Variants in CMYA5 observed in about 807,000 individuals in gnomAD.
CMYA5 encodes the protein cardiomyopathy-associated protein 5.
CMYA5 carries 246 observed loss-of-function variants against 318.9 expected under a neutral mutation model. The ratio of observed to expected loss-of-function variants is 0.77; its 90% CI spans 0.70 to 0.86. The LOEUF (loss-of-function observed/expected upper bound fraction) is 0.86. Ranked by LOEUF, CMYA5 falls within the 40% of genes least tolerant of loss-of-function variation. CMYA5 has a pLI of 0.00. For missense variants in CMYA5, 4,589 were observed against 4,678.2 expected (o/e 0.98, Z 0.56); for synonymous variants, 1,641 against 1,729.5 (o/e 0.95, Z 1.27).
intron 5 of CMYA5, 85 bp downstream of exon 5, chr5:79,747,198 G>A (rs1828346838): frequency 7.5e-7 from 1 of 1,324,832 alleles, no homozygotes; most frequent in Non-Finnish European, 1.0e-6. Context: ...TGGAAAATGA[G>A]CTGCCAATTA....
intron 5 of CMYA5, among the ~76,000 whole-genome samples, chr5:79,749,912 T>C (rs1490295717): frequency 1.3e-5 from 2 of 152,228 alleles, no homozygotes; most frequent in East Asian, 3.8e-4. Context: ...GAATCTCTGC[T>C]TAAAAACTGT....
intron 1 of CMYA5, among the ~76,000 whole-genome samples, chr5:79,695,091 C>CA (rs1188060676): frequency 6.6e-6 from 1 of 151,814 alleles, no homozygotes; most frequent in Non-Finnish European, 1.5e-5. Context: ...ATTTTACACA[C>CA]AAAAAAGTCC....
At position 79,730,954 on chromosome 5, in the gene CMYA5, T is replaced by G; in HGVS notation, c.2189T>G (p.Met730Arg). The G allele has an allele frequency of 6.2e-7, 1 of 1,614,006 alleles. No homozygotes were observed. The stretch of plus-strand genomic sequence containing the variant: ...ATATTGAAAGGTGTTTCTGAGTACA[T>G]GATTCCATCAGAAGAGAAGGAAGAC... Reference protein sequence around the residue: ...PLILKGVSEYMIPSEEKEDTG... With the variant: ...PLILKGVSEYRIPSEEKEDTG... Residue 730 changes from methionine (M) to arginine (R), a missense_variant, in exon 2 of 13, where the codon ATG (methionine) becomes AGG (arginine). Coordinates refer to ENST00000446378, the MANE Select transcript of CMYA5 (RefSeq NM_153610.5).
At chr5:79,795,928 A>G (rs1373456793) in intron 12 of CMYA5, among the ~76,000 whole-genome samples, 7 of 152,248 alleles carry the variant, frequency 4.6e-5, no homozygotes, top group Non-Finnish European at 5.9e-5. Flanking sequence ...CCAGCCAGGC[A>G]GAGAGTCAGG....
In CMYA5 at chr5:79,791,061, G is replaced by C; in HGVS notation, c.11781G>C (p.Arg3927=). ...GTVISFGERR[R]LTEIPSVLGE... is the part of the protein sequence containing the mutation. ...TGATCAGCTTTGGTGAGAGGAGACG[G>C]CTGACGGAGTAAGTAGAAGAAGAAA... is the stretch of plus-strand genomic sequence containing the variant. Residue 3927 remains arginine (R), a synonymous_variant, in exon 11 of 13, where the codon CGG becomes CGC. Coordinates refer to ENST00000446378, the MANE Select transcript of CMYA5 (RefSeq NM_153610.5). 2 of 1,611,350 alleles carry C rather than the reference G, an allele frequency of 1.2e-6. No individual in the cohort carries two copies. Among genetic ancestry groups the C allele is most frequent in the Non-Finnish European group, 1.7e-6 (2 of 1,177,794 alleles).
At chr5:79,761,446 G>A (rs1828649833) in intron 7 of CMYA5, among the ~76,000 whole-genome samples, 1 of 152,100 alleles carries the variant, frequency 6.6e-6, no homozygotes, top group Non-Finnish European at 1.5e-5. Context: ...TATTGGCACT[G>A]GTTCTTAAGA....
chr5:79,758,398 G>A (rs1042694257), intron 6 of CMYA5, among the ~76,000 whole-genome samples: 2 of 151,534 alleles, frequency 1.3e-5, no homozygotes, highest in Admixed American at 6.6e-5. Context: ...CAGGTGTGGT[G>A]GCAGGCGCCT....
At chr5:79,699,630 C>T (rs1561626280) in intron 1 of CMYA5, among the ~76,000 whole-genome samples, 1 of 152,182 alleles carries the variant, frequency 6.6e-6, no homozygotes, top group Non-Finnish European at 1.5e-5. Flanking sequence ...AGTTGTGCCT[C>T]AGTCTATCCT....
chr5:79,752,706 T>G lies in CMYA5; in HGVS notation c.11022T>G (p.Ser3674=), dbSNP rs1160130122. ...TTTCTGCAATGGAGAGCACTGCTTCTTTAGAGAAAATGCCTGCTGCGTTTT... is the reference window on the plus strand; with the variant it reads ...TTTCTGCAATGGAGAGCACTGCTTCGTTAGAGAAAATGCCTGCTGCGTTTT... ...RLLSAMESTA[S]LEKMPAAFSL... is the part of the protein sequence containing the mutation. The change falls in exon 6 of 13, where the codon TCT becomes TCG. Residue 3674 remains serine (S), a synonymous_variant. Coordinates refer to ENST00000446378, the MANE Select transcript of CMYA5 (RefSeq NM_153610.5). The G allele has an allele frequency of 1.2e-6, 2 of 1,613,622 alleles. No homozygotes were observed. The highest frequency in any genetic ancestry group is 1.7e-6 in the Non-Finnish European group (2 of 1,179,610).
intron 10 of CMYA5, 55 bp downstream of exon 10, chr5:79,789,159 C>G: frequency 5.0e-6 from 8 of 1,602,194 alleles, no homozygotes; most frequent in Non-Finnish European, 6.8e-6. Context: ...TTCCCTTCCA[C>G]CCCTCAGAGA....
intron 9 of CMYA5, among the ~76,000 whole-genome samples, chr5:79,775,194 C>A (rs1280343127): frequency 2.0e-5 from 3 of 152,190 alleles, no homozygotes; most frequent in Non-Finnish European, 4.4e-5. Context: ...CCCATCGCAT[C>A]CCCCAGTGTC....
chr5:79,716,186 A>G (rs1410327250), intron 1 of CMYA5, among the ~76,000 whole-genome samples: 1 of 152,250 alleles, frequency 6.6e-6, no homozygotes, highest in Non-Finnish European at 1.5e-5. Context: ...GACTAGTAGA[A>G]TTACTCTCTT....
intron 9 of CMYA5, among the ~76,000 whole-genome samples, chr5:79,777,558 G>T (rs1409118603): frequency 6.6e-6 from 1 of 151,466 alleles, no homozygotes; most frequent in East Asian, 2.0e-4. Context: ...GATTGCCTGA[G>T]ATCAGGAGTT....
intron 1 of CMYA5, among the ~76,000 whole-genome samples, chr5:79,709,960 CAAAAA>C (rs61657639): frequency 0.044 from 1,071 of 24,226 alleles, 2 homozygotes; most frequent in African/African-American, 0.15. Context: ...GACTCCATCT[CAAAAA>C]AAAAAAAAAA....
intron 1 of CMYA5, among the ~76,000 whole-genome samples, chr5:79,719,883 T>C (rs1485854693): frequency 6.6e-6 from 1 of 152,122 alleles, no homozygotes; most frequent in Non-Finnish European, 1.5e-5. Context: ...AAATGGAACT[T>C]TGTCAGAGAA....
In CMYA5 at chr5:79,694,980, C is replaced by T. The variant is rs142608296; in HGVS notation, c.149+4924C>T. Reference sequence around the variant, plus strand: ...TGGATATTTTATGTCCTTGGTAAGACTTTGACTCAACGAAGAGTTAAACTC... The same window carrying T: ...TGGATATTTTATGTCCTTGGTAAGATTTTGACTCAACGAAGAGTTAAACTC... On this transcript the variant is annotated intron_variant, in intron 1 of 12. Transcript: ENST00000446378. Among the ~76,000 whole-genome samples, 25 of 152,242 alleles carry T rather than the reference C, an allele frequency of 1.6e-4. No homozygotes were observed. In the East Asian group the frequency reaches 4.4e-3, roughly 27 times the overall value.
In CMYA5 at chr5:79,734,324, G is replaced by C. The variant is rs752833503; in HGVS notation, c.5559G>C (p.Gln1853His). 2 of 1,613,776 alleles carry C rather than the reference G, an allele frequency of 1.2e-6. No individual in the cohort carries two copies. Among genetic ancestry groups the C allele is most frequent in the Admixed American group, 3.3e-5 (2 of 59,992 alleles). Residue 1853 changes from glutamine to histidine, a missense_variant, in exon 2 of 13, where the codon CAG (glutamine) becomes CAC (histidine). Coordinates refer to ENST00000446378, the MANE Select transcript of CMYA5 (RefSeq NM_153610.5). ...ATAAACAAGATCTGGGTATTAAGCA[G>C]TTTTCACTTATGAGAGAGAATTTGC... ...SEDKQDLGIK[Q>H]FSLMRENLPL... is the part of the protein sequence containing the mutation.
chr5:79,736,422 A>AAGC lies in CMYA5; in HGVS notation c.7663_7665dup (p.Gln2555dup), dbSNP rs1344209019. The AAGC allele has an allele frequency of 6.2e-7, 1 of 1,609,062 alleles. No individual in the cohort carries two copies. Among genetic ancestry groups the AAGC allele is most frequent in the East Asian group, 2.2e-5 (1 of 44,742 alleles). On this transcript the variant is annotated inframe_insertion, in exon 2 of 13. Coordinates refer to ENST00000446378, the MANE Select transcript of CMYA5 (RefSeq NM_153610.5). ...GGTATATGTGCTTTCAGAAGGAAAG[A>AAGC]AGCAGCAGGAACATCAGCCTTATTC...
At position 79,732,257 on chromosome 5, in the gene CMYA5, C is replaced by T; in HGVS notation, c.3492C>T (p.Thr1164=). The change falls in exon 2 of 13, where the codon ACC becomes ACT. Residue 1164 remains threonine (T), a synonymous_variant. Coordinates refer to ENST00000446378, the MANE Select transcript of CMYA5 (RefSeq NM_153610.5). ...PAQSSIVKEE[T]KPASPHSVLP... Reference sequence around the variant, plus strand: ...AATCATCTATAGTAAAGGAAGAAACCAAACCTGCATCTCCACATTCAGTTT... The same window carrying T: ...AATCATCTATAGTAAAGGAAGAAACTAAACCTGCATCTCCACATTCAGTTT... The T allele has an allele frequency of 6.2e-7, 1 of 1,613,884 alleles. No individual in the cohort carries two copies. Among genetic ancestry groups the T allele is most frequent in the Non-Finnish European group, 8.5e-7 (1 of 1,179,842 alleles).
Sources: gnomAD v4.1 joint callset for allele counts (sites outside exome capture counted in the v4.1 genomes callset) on GRCh38, gnomAD v4.1.1 for gene constraint, MANE v1.5 for transcripts, NCBI Gene and HGNC (gene_info 2026-07-23, HGNC 2026-07-21) for gene names.